The following PIBF1 variants were observed in gnomAD, a reference collection of about 807,000 sequenced individuals.
The protein encoded by PIBF1 is progesterone-induced-blocking factor 1.
PIBF1 carries 90 observed loss-of-function variants against 112.5 expected under a neutral mutation model. The ratio of observed to expected loss-of-function variants is 0.80; its 90% confidence interval spans 0.67 to 0.95. PIBF1 has a LOEUF of 0.95. Among genes scored for constraint, PIBF1 ranks in the 40% least tolerant of loss-of-function variants. The pLI is 0.00. For synonymous variants in PIBF1, 301 were observed against 288.6 expected, an observed-to-expected ratio of 1.04 and a Z score of -0.44; for missense variants, 915 against 852.3, an observed-to-expected ratio of 1.07 and a Z score of -0.92.
At chr13:72,788,440 T>C (rs1333749096) in intron 2 of PIBF1, among the ~76,000 whole-genome samples, 1 of 152,324 alleles carries the variant, frequency 6.6e-6, no homozygotes, top group Non-Finnish European at 1.5e-5. Context: ...AATAGGTATT[T>C]TAGTAGACCT....
At chr13:72,875,945 A>G (rs1421709291) in intron 10 of PIBF1, among the ~76,000 whole-genome samples, 1 of 151,912 alleles carries the variant, frequency 6.6e-6, no homozygotes, top group Non-Finnish European at 1.5e-5. Flanking sequence ...ACTTTAATGA[A>G]GTCCAGTTTA....
intron 9 of PIBF1, among the ~76,000 whole-genome samples, chr13:72,844,763 A>T (rs1355499761): frequency 7.9e-6 from 1 of 126,408 alleles, no homozygotes; most frequent in African/African-American, 3.0e-5. Flanking sequence ...ACACACACAC[A>T]CACACACACA....
intron 9 of PIBF1, among the ~76,000 whole-genome samples, chr13:72,852,888 A>G (rs182758845): frequency 1.7e-4 from 26 of 152,242 alleles, no homozygotes; most frequent in South Asian, 6.2e-4. Flanking sequence ...GATTCAACTT[A>G]TGGTCCTCTT....
rs565317499 is a variant in PIBF1, at chr13:72,963,710, A to G, written c.1834-1564A>G. ...AATAAGACTATATTATTAAGAATAT[A>G]TAGAGAACTCCTACAACTCAGCAAC... On this transcript the variant is annotated intron_variant, in intron 14 of 17. Coordinates refer to ENST00000326291, the MANE Select transcript of PIBF1 (RefSeq NM_006346.4). 9.2e-5 allele frequency among the ~76,000 whole-genome samples: 14 copies of G among 152,118 alleles called. No individual in the cohort carries two copies. In the East Asian group the frequency reaches 2.5e-3, roughly 27 times the overall value.
chr13:72,999,814 A>T (rs1313147008), intron 17 of PIBF1, among the ~76,000 whole-genome samples: 1 of 152,204 alleles, frequency 6.6e-6, no homozygotes, highest in Non-Finnish European at 1.5e-5. Flanking sequence ...CACACCTCTA[A>T]TCCCAGCACT....
At chr13:72,900,966 G>A (rs1594155601) in intron 11 of PIBF1, 3 of 340,226 alleles carry the variant, frequency 8.8e-6, no homozygotes, top group South Asian at 6.7e-5. Context: ...ACATTGCAGT[G>A]AACCGAGATT....
Position 72,797,980 on chromosome 13 carries a change from C to T in PIBF1, c.626C>T (p.Ala209Val), listed in dbSNP as rs1301057384. 1.2e-6 allele frequency: 2 copies of T among 1,608,454 alleles called. No individual in the cohort carries two copies. Among genetic ancestry groups the T allele is most frequent in the Non-Finnish European group, 1.7e-6 (2 of 1,177,478 alleles). The change falls in exon 5 of 18, where the codon GCA becomes GTA. Residue 209 changes from alanine (A) to valine (V), a missense_variant. By Grantham distance (64) the Ala-to-Val change is moderately conservative. Transcript: ENST00000326291. Reference sequence around the variant, plus strand: ...CTACAAGTGAAAAAGAATATCCTAGCAGAAGAATTAAGTACAAACAAAAAC... The same window carrying T: ...CTACAAGTGAAAAAGAATATCCTAGTAGAAGAATTAAGTACAAACAAAAAC... Reference protein sequence around the residue: ...CELQVKKNILAEELSTNKNQL... With the variant: ...CELQVKKNILVEELSTNKNQL...
At chr13:72,827,960 A>G (rs762135621) in intron 8 of PIBF1, 46 bp downstream of exon 8, 1 of 1,367,176 alleles carries the variant, frequency 7.3e-7, no homozygotes, top group East Asian at 2.6e-5. Flanking sequence ...CAATTAACAG[A>G]TTTTCTTTGA....
At position 72,844,728 on chromosome 13, in the gene PIBF1, T is replaced by TACACACACACAC. The variant is rs1156334355; in HGVS notation, c.1224-9268_1224-9257dup. 4.8e-3 allele frequency among the ~76,000 whole-genome samples: 254 copies of TACACACACACAC among 53,232 alleles called. 25 individuals are homozygous for TACACACACACAC. Among genetic ancestry groups the TACACACACACAC allele is most frequent in the East Asian group, 0.013 (16 of 1,240 alleles). The allele number at this position is 53,232 out of a possible 152,430, so 34.9% of individuals were successfully genotyped here. On this transcript the variant is annotated intron_variant, in intron 9 of 17. Transcript: ENST00000326291. ...TTATAAAAGCATCTGTAATTTTATT[T>TACACACACACAC]ACACACACACACACACACACACACA... is the stretch of plus-strand genomic sequence containing the variant.
chr13:72,832,072 CTTTTTTTTTTTTTTT>C (rs754794968), intron 8 of PIBF1, among the ~76,000 whole-genome samples: 3,827 of 42,982 alleles, frequency 0.089, 109 homozygotes, highest in Non-Finnish European at 0.11. Context: ...CAATTCCGGC[CTTTTTTTTTTTTTTT>C]TTTTTTTTTT....
intron 10 of PIBF1, among the ~76,000 whole-genome samples, chr13:72,857,973 A>G (rs1347968707): frequency 6.6e-6 from 1 of 151,868 alleles, no homozygotes; most frequent in Non-Finnish European, 1.5e-5. Context: ...AATTGGTACA[A>G]CTAATATGAA....
chr13:72,995,450 G>A (rs1034023303), intron 16 of PIBF1, among the ~76,000 whole-genome samples: 4 of 152,108 alleles, frequency 2.6e-5, no homozygotes, highest in Non-Finnish European at 4.4e-5. Context: ...TAGACAGACT[G>A]TAGAAACAGA....
chr13:72,994,397 T>C (rs887947220), intron 16 of PIBF1, among the ~76,000 whole-genome samples: 2 of 152,170 alleles, frequency 1.3e-5, no homozygotes, highest in African/African-American at 4.8e-5. Flanking sequence ...TGTTGGAAAG[T>C]TGAAGTACAA....
At chr13:72,913,834 TA>T (rs2138679865) in intron 12 of PIBF1, among the ~76,000 whole-genome samples, 1 of 152,246 alleles carries the variant, frequency 6.6e-6, no homozygotes, top group Non-Finnish European at 1.5e-5. Context: ...TCCACATGTA[TA>T]AATATTTTCT....
At chr13:72,858,002 T>C (rs2038506875) in intron 10 of PIBF1, among the ~76,000 whole-genome samples, 1 of 125,926 alleles carries the variant, frequency 7.9e-6, no homozygotes, top group Non-Finnish European at 1.6e-5. Context: ...CGATAATACC[T>C]ATCAGAAGTA....
At chr13:72,810,746 T>C (rs1179584768) in intron 5 of PIBF1, among the ~76,000 whole-genome samples, 1 of 152,232 alleles carries the variant, frequency 6.6e-6, no homozygotes, top group Middle Eastern at 3.2e-3. Flanking sequence ...TAAACAGTGA[T>C]AGATTTGCCT....
intron 13 of PIBF1, among the ~76,000 whole-genome samples, chr13:72,923,551 G>C (rs148409084): frequency 5.9e-4 from 90 of 152,296 alleles, no homozygotes; most frequent in African/African-American, 1.9e-3. Flanking sequence ...CTATTTAAGT[G>C]TCCCAATAGA....
Position 72,975,687 on chromosome 13 carries a change from C to G in PIBF1, c.2049+2012C>G, listed in dbSNP as rs533475645. Among the ~76,000 whole-genome samples the G allele has an allele frequency of 3.9e-5, 6 of 152,248 alleles. No individual in the cohort carries two copies. In the South Asian group the frequency reaches 1.2e-3, roughly 32 times the overall value. On this transcript the variant is annotated intron_variant, in intron 16 of 17. Coordinates refer to ENST00000326291, the MANE Select transcript of PIBF1 (RefSeq NM_006346.4). ...GTCAATCTAACAACAGGTTACAGAG[C>G]TAGGAAAAGCTTCTCTGAAGATATT... is the stretch of plus-strand genomic sequence containing the variant.
At chr13:72,901,212 TA>T (rs755167758) in intron 11 of PIBF1, 12 of 235,312 alleles carry the variant, frequency 5.1e-5, no homozygotes, top group Admixed American at 3.3e-4. Context: ...CTCAAATCAG[TA>T]AAAAAAACAA....
Sources: gnomAD v4.1 joint callset for allele counts (sites outside exome capture counted in the v4.1 genomes callset) on GRCh38, gnomAD v4.1.1 for gene constraint, MANE v1.5 for transcripts, NCBI Gene and HGNC (gene_info 2026-07-23, HGNC 2026-07-21) for gene names.